Variants in PPP1R3D observed in about 807,000 individuals in gnomAD.
PPP1R3D encodes PP1 subunit R6.
In PPP1R3D, 27 loss-of-function variants were observed where a neutral mutation model predicts 16.3. That is an observed-to-expected ratio of 1.66 (90% CI 1.22 to 2.29). PPP1R3D has a LOEUF of 2.29. Among genes scored for constraint, PPP1R3D ranks in the 30% most tolerant of loss-of-function variants. PPP1R3D has a pLI of 0.00. For synonymous variants in PPP1R3D, 223 were observed against 209.7 expected (o/e 1.06, Z -0.55); for missense variants, 472 against 438.3 (o/e 1.08, Z -0.69).
chr20:59,939,453 G>T lies in PPP1R3D; in HGVS notation c.479C>A (p.Pro160Gln). The T allele has an allele frequency of 6.2e-7, 1 of 1,611,802 alleles. No homozygotes were observed. The change falls in exon 1 of 1, where the codon CCG becomes CAG. Residue 160 changes from proline (P) to glutamine (Q), a missense_variant. Physicochemically the swap from Pro to Gln is moderately conservative, Grantham distance 76. Coordinates refer to ENST00000370996, the MANE Select transcript of PPP1R3D (RefSeq NM_006242.4). Reference sequence around the variant, plus strand: ...AAAGTCGGCGGCCTCGACGGGCGGCGGGAAATCGGGCACCAGGCAATGCAG... The same window carrying T: ...AAAGTCGGCGGCCTCGACGGGCGGCTGGAAATCGGGCACCAGGCAATGCAG... ...FTLHCLVPDFPPPVEAADFGE... is the reference protein window; with the variant it reads ...FTLHCLVPDFQPPVEAADFGE...
chr20:59,940,103 CT>C lies in PPP1R3D; in HGVS notation c.-173del. 2.3e-6 allele frequency: 1 copy of C among 444,114 alleles called. No individual in the cohort carries two copies. Among genetic ancestry groups the C allele is most frequent in the South Asian group, 1.3e-4 (1 of 7,680 alleles). The allele number at this position is 444,114 out of a possible 1,614,324, so 27.5% of individuals were successfully genotyped here. A position where few individuals can be genotyped will look rare whatever the true frequency, so the allele number is the denominator to read the frequency against. On this transcript the variant is annotated 5_prime_UTR_variant, in exon 1 of 1. Coordinates refer to ENST00000370996, the MANE Select transcript of PPP1R3D (RefSeq NM_006242.4). ...GGTTCGCCACCTTGCTCCTCGAGTC[CT>C]TGTCCAGGTCCTCCGCTTCTTGCGG... is the stretch of plus-strand genomic sequence containing the variant.
At position 59,939,455 on chromosome 20, in the gene PPP1R3D, G is replaced by A. The variant is rs780267621; in HGVS notation, c.477C>T (p.Phe159=). 3.1e-6 allele frequency: 5 copies of A among 1,611,754 alleles called. No homozygotes were observed. Among genetic ancestry groups the A allele is most frequent in the African/African-American group, 1.3e-5 (1 of 74,928 alleles). Residue 159 remains phenylalanine (F), a synonymous_variant, in exon 1 of 1, where the codon TTC becomes TTT. Coordinates refer to ENST00000370996, the MANE Select transcript of PPP1R3D (RefSeq NM_006242.4). ...AGTCGGCGGCCTCGACGGGCGGCGG[G>A]AAATCGGGCACCAGGCAATGCAGGG... ...EFTLHCLVPD[F]PPPVEAADFG...
At position 59,939,711 on chromosome 20, in the gene PPP1R3D, G is replaced by T; in HGVS notation, c.221C>A (p.Ser74Ter). 1.5e-6 allele frequency: 2 copies of T among 1,323,308 alleles called. No individual in the cohort carries two copies. The highest frequency in any genetic ancestry group is 4.2e-5 in the South Asian group (2 of 47,452). 82.0% of individuals were successfully genotyped at this position (1,323,308 alleles called of 1,614,324 possible). A position where few individuals can be genotyped will look rare whatever the true frequency, so the allele number is the denominator to read the frequency against. ...GCGGCGCTCGGGGGAGCTGGGCAGT[G>T]AGCGCGCCCGCCGCAGGATGATGGG... is the stretch of plus-strand genomic sequence containing the variant. Reference protein sequence around the residue: ...LRPIILRRARSLPSSPERRQK... With the variant: ...LRPIILRRAR The change falls in exon 1 of 1, where the codon TCA becomes TAA. Residue 74 changes from serine to a stop codon, truncating the protein, a stop_gained. Transcript: ENST00000370996. LOFTEE classifies it high-confidence loss of function.
In PPP1R3D at chr20:59,938,700, T is replaced by A. The variant is rs2060876624; in HGVS notation, c.*332A>T. 4.3e-6 allele frequency: 1 copy of A among 232,394 alleles called. No homozygotes were observed. 14.4% of individuals were successfully genotyped at this position (232,394 alleles called of 1,614,324 possible). On this transcript the variant is annotated 3_prime_UTR_variant, in exon 1 of 1. Transcript: ENST00000370996. ...ACATTCAGGACACATGCAAAAGCTT[T>A]TCCTAGCAGGAGGACTTGGGCCTTT...
At position 59,939,514 on chromosome 20, in the gene PPP1R3D, C is replaced by G. The variant is rs761446726; in HGVS notation, c.418G>C (p.Asp140His). The G allele has an allele frequency of 6.2e-7, 1 of 1,612,032 alleles. No homozygotes were observed. ...HVLSRLAINS[D>H]LCCSSQDLEF... ...AGGTCCTGGCTGCTGCAGCACAGGT[C>G]CGAGTTGATTGCGAGCCGCGACAGC... Residue 140 changes from aspartate (D) to histidine (H), a missense_variant, in exon 1 of 1, where the codon GAC (aspartate) becomes CAC (histidine). Transcript: ENST00000370996.
In PPP1R3D at chr20:59,939,766, C is replaced by A; in HGVS notation, c.166G>T (p.Ala56Ser). ...SPGRAPPPTP[A>S]PSGCDPRLRP... ...AGGCGGGGGTCGCAGCCCGACGGCGCTGGCGTTGGCGGCGGCGCGCGGCCC... is the reference window on the plus strand; with the variant it reads ...AGGCGGGGGTCGCAGCCCGACGGCGATGGCGTTGGCGGCGGCGCGCGGCCC... The change falls in exon 1 of 1, where the codon GCG becomes TCG. Residue 56 changes from alanine to serine, a missense_variant. Coordinates refer to ENST00000370996, the MANE Select transcript of PPP1R3D (RefSeq NM_006242.4). The A allele has an allele frequency of 8.2e-7, 1 of 1,222,392 alleles. No individual in the cohort carries two copies. The highest frequency in any genetic ancestry group is 1.0e-6 in the Non-Finnish European group (1 of 982,134). The allele number at this position is 1,222,392 out of a possible 1,614,324, so 75.7% of individuals were successfully genotyped here.
At position 59,939,849 on chromosome 20, in the gene PPP1R3D, G is replaced by T; in HGVS notation, c.83C>A (p.Ser28Ter). Residue 28 changes from serine (S) to a stop codon, truncating the protein, a stop_gained, in exon 1 of 1, where the codon TCG becomes TAG. Transcript: ENST00000370996. LOFTEE classifies it high-confidence loss of function. The part of the protein sequence containing the change: ...KLGPRSLSCL[S>*]DLDGGVALEP... ...CAGGGCCACGCCGCCGTCCAGGTCC[G>T]ACAGGCAGCTGAGGCTCCGGGGGCC... is the stretch of plus-strand genomic sequence containing the variant. 1 of 1,243,768 alleles carries T rather than the reference G, an allele frequency of 8.0e-7. No homozygotes were observed. Among genetic ancestry groups the T allele is most frequent in the Non-Finnish European group, 1.0e-6 (1 of 994,226 alleles). 77.0% of individuals were successfully genotyped at this position (1,243,768 alleles called of 1,614,324 possible).
chr20:59,939,806 C>A lies in PPP1R3D; in HGVS notation c.126G>T (p.Arg42Ser). ...GGVALEPRAC[R>S]PPGSPGRAPP... ...GCGCGCGGCCCGGGCTCCCAGGGGG[C>A]CTACAGGCCCGCGGCTCCAGGGCCA... The change falls in exon 1 of 1, where the codon AGG becomes AGT. Residue 42 changes from arginine (R) to serine (S), a missense_variant. Coordinates refer to ENST00000370996, the MANE Select transcript of PPP1R3D (RefSeq NM_006242.4). 9 of 1,231,862 alleles carry A rather than the reference C, an allele frequency of 7.3e-6. No homozygotes were observed. Among genetic ancestry groups the A allele is most frequent in the Non-Finnish European group, 9.1e-6 (9 of 987,948 alleles). 76.3% of individuals were successfully genotyped at this position (1,231,862 alleles called of 1,614,324 possible).
chr20:59,936,752 A>C lies in PPP1R3D; in HGVS notation c.*2280T>G, dbSNP rs1240643776. 2 of 152,254 alleles carry C rather than the reference A, an allele frequency of 1.3e-5. No individual in the cohort carries two copies. Among genetic ancestry groups the C allele is most frequent in the Non-Finnish European group, 2.9e-5 (2 of 68,046 alleles). 9.4% of individuals were successfully genotyped at this position (152,254 alleles called of 1,614,324 possible). A position where few individuals can be genotyped will look rare whatever the true frequency, so the allele number is the denominator to read the frequency against. Reference sequence around the variant, plus strand: ...AAGACTTGCATGTGAAATGATTTAGACAAGAAGTTTCTAAAGCTTGGTCTT... The same window carrying C: ...AAGACTTGCATGTGAAATGATTTAGCCAAGAAGTTTCTAAAGCTTGGTCTT... On this transcript the variant is annotated 3_prime_UTR_variant, in exon 1 of 1. Transcript: ENST00000370996.
chr20:59,939,593 C>T lies in PPP1R3D; in HGVS notation c.339G>A (p.Leu113=), dbSNP rs769493953. The T allele has an allele frequency of 6.2e-7, 1 of 1,603,298 alleles. No individual in the cohort carries two copies. The highest frequency in any genetic ancestry group is 1.1e-5 in the South Asian group (1 of 89,914). Residue 113 remains leucine, a synonymous_variant, in exon 1 of 1, where the codon CTG becomes CTA. Coordinates refer to ENST00000370996, the MANE Select transcript of PPP1R3D (RefSeq NM_006242.4). ...CCGCGTTGAACACCTTGACCTGTGC[C>T]AGCTCCAAGCCCAGGGCGTCGGCGA... ...VRFADALGLE[L]AQVKVFNAGD...
Position 59,940,056 on chromosome 20 carries a change from G to C in PPP1R3D, c.-125C>G. Reference sequence around the variant, plus strand: ...ATCTGCAACCTGCGGGGGACCTCTCGGGCCCGGTGCGCCCTACCCTTGGTT... The same window carrying C: ...ATCTGCAACCTGCGGGGGACCTCTCCGGCCCGGTGCGCCCTACCCTTGGTT... On this transcript the variant is annotated 5_prime_UTR_variant, in exon 1 of 1. Transcript: ENST00000370996. The C allele has an allele frequency of 5.0e-6, 4 of 798,474 alleles. No homozygotes were observed. The highest frequency in any genetic ancestry group is 5.2e-6 in the Non-Finnish European group (3 of 580,292). 49.5% of individuals were successfully genotyped at this position (798,474 alleles called of 1,614,324 possible). A position where few individuals can be genotyped will look rare whatever the true frequency, so the allele number is the denominator to read the frequency against.
chr20:59,940,083 G>C lies in PPP1R3D; in HGVS notation c.-152C>G. On this transcript the variant is annotated 5_prime_UTR_variant, in exon 1 of 1. Transcript: ENST00000370996. The stretch of plus-strand genomic sequence containing the variant: ...GCCCGGTGCGCCCTACCCTTGGTTC[G>C]CCACCTTGCTCCTCGAGTCCTTGTC... The C allele has an allele frequency of 1.9e-6, 1 of 524,950 alleles. No homozygotes were observed. Among genetic ancestry groups the C allele is most frequent in the Non-Finnish European group, 3.0e-6 (1 of 330,092 alleles). 32.5% of individuals were successfully genotyped at this position (524,950 alleles called of 1,614,324 possible).
At position 59,939,347 on chromosome 20, in the gene PPP1R3D, C is replaced by G. The variant is rs755702252; in HGVS notation, c.585G>C (p.Val195=). 4 of 1,611,160 alleles carry G rather than the reference C, an allele frequency of 2.5e-6. No individual in the cohort carries two copies. Among genetic ancestry groups the G allele is most frequent in the African/African-American group, 2.7e-5 (2 of 75,050 alleles). Residue 195 remains valine, a synonymous_variant, in exon 1 of 1, where the codon GTG becomes GTC. Coordinates refer to ENST00000370996, the MANE Select transcript of PPP1R3D (RefSeq NM_006242.4). ...SDLGISGTVR[V]CNVAFEKQVA... is the part of the protein sequence containing the mutation. ...CCTGCTTCTCGAAGGCCACGTTGCA[C>G]ACGCGCACCGTACCGCTGATGCCAA...
chr20:59,938,340 G>GCC lies in PPP1R3D; in HGVS notation c.*691_*692insGG, dbSNP rs1424463136. ...TCCCTCCTCCCCAGCTGTTAATGTAGGAGACACACAGCCTAACCAGGACAG... is the reference window on the plus strand; with the variant it reads ...TCCCTCCTCCCCAGCTGTTAATGTAGCCGAGACACACAGCCTAACCAGGACAG... On this transcript the variant is annotated 3_prime_UTR_variant, in exon 1 of 1. Coordinates refer to ENST00000370996, the MANE Select transcript of PPP1R3D (RefSeq NM_006242.4). The GCC allele has an allele frequency of 1.3e-5, 2 of 152,214 alleles. No homozygotes were observed. The highest frequency in any genetic ancestry group is 2.9e-5 in the Non-Finnish European group (2 of 68,048). The allele number at this position is 152,214 out of a possible 1,614,324, so 9.4% of individuals were successfully genotyped here.
Position 59,939,624 on chromosome 20 carries a change from A to C in PPP1R3D, c.308T>G (p.Val103Gly), listed in dbSNP as rs1376150181. ...CAAGCCCAGGGCGTCGGCGAAGCGC[A>C]CGCGGAGCTTCTGGCTGCAGCCCGG... ...CRPGCSQKLR[V>G]RFADALGLEL... Residue 103 changes from valine (V) to glycine (G), a missense_variant, in exon 1 of 1, where the codon GTG becomes GGG. Val to Gly is a moderately radical substitution (Grantham distance 109). Coordinates refer to ENST00000370996, the MANE Select transcript of PPP1R3D (RefSeq NM_006242.4). 6.3e-7 allele frequency: 1 copy of C among 1,586,164 alleles called. No homozygotes were observed. Among genetic ancestry groups the C allele is most frequent in the Non-Finnish European group, 8.6e-7 (1 of 1,168,700 alleles).
Position 59,938,798 on chromosome 20 carries a change from T to A in PPP1R3D, c.*234A>T. On this transcript the variant is annotated 3_prime_UTR_variant, in exon 1 of 1. Transcript: ENST00000370996. ...ACCTACCCCACCACCCTGCCCCAAC[T>A]CATTACACAACTCGGCCTTCTGGCC... 1.5e-4 allele frequency: 48 copies of A among 328,424 alleles called. No individual in the cohort carries two copies. Among genetic ancestry groups the A allele is most frequent in the East Asian group, 3.0e-4 (6 of 20,118 alleles). 20.3% of individuals were successfully genotyped at this position (328,424 alleles called of 1,614,324 possible).
rs2145946382 is a variant in PPP1R3D at position 59,939,264 on chromosome 20, C to T, written c.668G>A (p.Trp223Ter). 1 of 1,611,742 alleles carries T rather than the reference C, an allele frequency of 6.2e-7. No homozygotes were observed. Among genetic ancestry groups the T allele is most frequent in the Non-Finnish European group, 8.5e-7 (1 of 1,179,278 alleles). Residue 223 changes from tryptophan (W) to a stop codon, truncating the protein, a stop_gained, in exon 1 of 1, where the codon TGG (tryptophan) becomes TAG (stop). Transcript: ENST00000370996. LOFTEE classifies it high-confidence loss of function. ...GCCCTCGGGGCCTGCGGGCCCGCGCCACCGCGCCACCGCCTCGTGGGTACT... is the reference window on the plus strand; with the variant it reads ...GCCCTCGGGGCCTGCGGGCCCGCGCTACCGCGCCACCGCCTCGTGGGTACT... ...WRSTHEAVAR[W>*]RGPAGPEGTE...
chr20:59,939,211 GAAAGCCGAAGGTGA>G lies in PPP1R3D; in HGVS notation c.707_720del (p.Phe236SerfsTer117). The G allele has an allele frequency of 6.2e-7, 1 of 1,610,530 alleles. No individual in the cohort carries two copies. The highest frequency in any genetic ancestry group is 8.5e-7 in the Non-Finnish European group (1 of 1,177,876). On this transcript the variant is annotated frameshift_variant, in exon 1 of 1. Transcript: ENST00000370996. LOFTEE classifies it high-confidence loss of function. ...AGCTCCAGCAGGAAGGGCGGTACTGGAAAGCCGAAGGTGAAAACGTCCTCCGTGCCCTCGGGGCC... is the reference window on the plus strand; with the variant it reads ...AGCTCCAGCAGGAAGGGCGGTACTGGAAACGTCCTCCGTGCCCTCGGGGCC...
Position 59,940,242 on chromosome 20 carries a change from A to G in PPP1R3D, c.-311T>C, listed in dbSNP as rs1452619828. ...TCTTGCTTCCTTGGAGGTTCTTACA[A>G]GAAGGCTGCGTTCCGGGAGCGGCCC... On this transcript the variant is annotated 5_prime_UTR_variant, in exon 1 of 1. Coordinates refer to ENST00000370996, the MANE Select transcript of PPP1R3D (RefSeq NM_006242.4). 8.2e-6 allele frequency: 2 copies of G among 245,094 alleles called. No homozygotes were observed. Among genetic ancestry groups the G allele is most frequent in the African/African-American group, 4.5e-5 (2 of 44,172 alleles). 15.2% of individuals were successfully genotyped at this position (245,094 alleles called of 1,614,324 possible).
Sources: gnomAD v4.1 joint callset for allele counts on GRCh38, gnomAD v4.1.1 for gene constraint, MANE v1.5 for transcripts, NCBI Gene and HGNC (gene_info 2026-07-23, HGNC 2026-07-21) for gene names.